The following KMT2D variants were observed in gnomAD, a reference collection of about 807,000 sequenced individuals.
The protein encoded by KMT2D is lysine methyltransferase 2D, also known as histone-lysine N-methyltransferase 2D.
KMT2D carries 55 observed loss-of-function variants against 512.7 expected under a neutral mutation model. That is an observed-to-expected ratio of 0.11 (90% CI 0.09 to 0.13). The LOEUF is 0.13. Among genes scored for constraint, KMT2D ranks in the 10% least tolerant of loss-of-function variants. The probability of loss-of-function intolerance (pLI) is 1.00; values close to 1 mark genes in which losing one functional copy is unlikely to be tolerated. For synonymous variants in KMT2D, 2,995 were observed against 2,904.0 expected, an observed-to-expected ratio of 1.03 and a Z score of -1.01; for missense variants, 6,061 against 7,127.9, an observed-to-expected ratio of 0.85 and a Z score of 5.39.
rs1468222108 is a variant in KMT2D at position 49,033,932 on chromosome 12, G to A, written c.10773C>T (p.Leu3591=). The change falls in exon 40 of 55, where the codon CTC becomes CTT. Residue 3591 remains leucine, a synonymous_variant. Coordinates refer to ENST00000301067, the MANE Select transcript of KMT2D (RefSeq NM_003482.4). ...VRKQQKEHTN[L]MAEYRNKQQQ... ...GCTGCTTGTTCCGATATTCTGCCAT[G>A]AGATTAGTGTGCTCCTTCTGCTGTT... The A allele has an allele frequency of 6.5e-7, 1 of 1,533,434 alleles. No homozygotes were observed. Among genetic ancestry groups the A allele is most frequent in the Middle Eastern group, 1.7e-4 (1 of 5,878 alleles). The allele number at this position is 1,533,434 out of a possible 1,614,324, so 95.0% of individuals were successfully genotyped here.
At chr12:49,053,427 C>T (rs1355131917) in intron 7 of KMT2D, 49 bp downstream of exon 7, 1 of 1,610,802 alleles carries the variant, frequency 6.2e-7, no homozygotes, top group Non-Finnish European at 8.5e-7. Flanking sequence ...CATTTTCAAC[C>T]CTAACCTGTG....
At chr12:49,053,907 T>C (rs1938239059) in intron 6 of KMT2D, 71 bp downstream of exon 6, 1 of 1,500,772 alleles carries the variant, frequency 6.7e-7, no homozygotes, top group Non-Finnish European at 9.2e-7. Flanking sequence ...ATCAGTGCTC[T>C]GTAGAGTACA....
chr12:49,058,056 G>A (rs926452137), intron 1 of KMT2D, among the ~76,000 whole-genome samples: 2 of 152,190 alleles, frequency 1.3e-5, no homozygotes, highest in African/African-American at 4.8e-5. Context: ...GCTGAAGCAG[G>A]CCCTTGAGTG....
At position 49,046,491 on chromosome 12, in the gene KMT2D, C is replaced by A. The variant is rs1024396142; in HGVS notation, c.4419-67G>T. The A allele has an allele frequency of 1.3e-6, 2 of 1,591,150 alleles. No homozygotes were observed. The highest frequency in any genetic ancestry group is 2.2e-5 in the East Asian group (1 of 44,574). ...CCGAAGTACCCAGAAGTCCCCTCAC[C>A]GGAAACCCAAGCCACCAGCCTGGCC... is the stretch of plus-strand genomic sequence containing the variant. On this transcript the variant is annotated intron_variant, in intron 16 of 54. Transcript: ENST00000301067. This position sits in a 1 kb window ranked among gnomAD's most constrained non-coding sequence, Gnocchi z 4.2.
At chr12:49,048,992 C>CCAGA in intron 13 of KMT2D, 113 bp downstream of exon 13, 2 of 756,380 alleles carry the variant, frequency 2.6e-6, no homozygotes, top group South Asian at 3.1e-5. Flanking sequence ...TCAGACATAG[C>CCAGA]CAGACAGGCC....
Position 49,032,491 on chromosome 12 carries a change from C to T in KMT2D, c.12214G>A (p.Asp4072Asn), listed in dbSNP as rs772102499. 1.3e-6 allele frequency: 2 copies of T among 1,570,254 alleles called. No individual in the cohort carries two copies. Among genetic ancestry groups the T allele is most frequent in the East Asian group, 2.4e-5 (1 of 42,146 alleles). The change falls in exon 40 of 55, where the codon GAC (aspartate) becomes AAC (asparagine). Residue 4072 changes from aspartate (D) to asparagine (N), a missense_variant. Asp to Asn is a conservative substitution (Grantham distance 23). This residue lies in a region of KMT2D where 1,600 missense variants were observed against 1,754.9 expected (regional missense o/e 0.91). Coordinates refer to ENST00000301067, the MANE Select transcript of KMT2D (RefSeq NM_003482.4). ...PGEVKPSLSG[D>N]SQLLLVQPQP... The stretch of plus-strand genomic sequence containing the variant: ...GGTTGGACAAGCAGGAGTTGTGAGT[C>T]CCCAGAGAGTGAGGGCTTTACCTCT...
At chr12:49,025,777 T>A (rs756525676) in intron 49 of KMT2D, among the ~76,000 whole-genome samples, 8 of 152,192 alleles carry the variant, frequency 5.3e-5, no homozygotes, top group Non-Finnish European at 7.3e-5. Context: ...CAAAAAAAGG[T>A]ACCTGCTCTT....
Position 49,024,343 on chromosome 12 carries a change from C to A in KMT2D, c.16052+235G>T, listed in dbSNP as rs1942469232. 6.6e-6 allele frequency among the ~76,000 whole-genome samples: 1 copy of A among 152,100 alleles called. No individual in the cohort carries two copies. The highest frequency in any genetic ancestry group is 1.5e-5 in the Non-Finnish European group (1 of 68,014). On this transcript the variant is annotated intron_variant, in intron 51 of 54. Transcript: ENST00000301067. This position sits in a 1 kb window ranked among gnomAD's most constrained non-coding sequence, Gnocchi z 4.5. Reference sequence around the variant, plus strand: ...ATTTCACCAGTTTACCCATTACCTCCCCAGGGTGCCCAAGATAATTCTGTC... The same window carrying A: ...ATTTCACCAGTTTACCCATTACCTCACCAGGGTGCCCAAGATAATTCTGTC...
Position 49,030,319 on chromosome 12 carries a change from C to T in KMT2D, c.13960G>A (p.Asp4654Asn). 1 of 1,603,822 alleles carries T rather than the reference C, an allele frequency of 6.2e-7. No homozygotes were observed. The highest frequency in any genetic ancestry group is 2.2e-5 in the East Asian group (1 of 44,538). The change falls in exon 43 of 55, where the codon GAT (aspartate) becomes AAT (asparagine). Residue 4654 changes from aspartate to asparagine, a missense_variant. Physicochemically the swap from Asp to Asn is conservative, Grantham distance 23 (BLOSUM62 1). This residue lies in a region of KMT2D where 1,600 missense variants were observed against 1,754.9 expected (regional missense o/e 0.91). Coordinates refer to ENST00000301067, the MANE Select transcript of KMT2D (RefSeq NM_003482.4). ...PSEELGEHPK[D>N]AASARDSERA... ...TCACTATCCCGGGCAGAGGCAGCAT[C>T]CTTGGGGTGCTCCCCCAGCTCTTCA...
rs748991106 is a variant in KMT2D at position 49,026,504 on chromosome 12, C to A, written c.15462G>T (p.Arg5154=). 5.0e-6 allele frequency: 8 copies of A among 1,613,836 alleles called. No homozygotes were observed. In the African/African-American group the frequency reaches 6.7e-5, roughly 13 times the overall value. Residue 5154 remains arginine, a synonymous_variant, in exon 49 of 55, where the codon CGG becomes CGT. Transcript: ENST00000301067. The surrounding 1 kb of genome is among the most constrained non-coding windows in gnomAD (Gnocchi z 9.6). ...TCACCTCGTCCCGCTCAATGTAGAC[C>A]CGCCGGAAGACAGCAAAAGAGCTCA... The part of the protein sequence containing the change: ...QELSSFAVFR[R]VYIERDEVKQ...
At position 49,044,682 on chromosome 12, in the gene KMT2D, C is replaced by T; in HGVS notation, c.4963+62G>A. On this transcript the variant is annotated intron_variant, in intron 20 of 54. Transcript: ENST00000301067. This position sits in a 1 kb window ranked among gnomAD's most constrained non-coding sequence, Gnocchi z 6.4. ...GAGTGGCAATGTAGCCCCCACCCAA[C>T]ATCCCACTCCCAGAGTCACGCTCCC... The T allele has an allele frequency of 6.4e-7, 1 of 1,565,114 alleles. No individual in the cohort carries two copies. The highest frequency in any genetic ancestry group is 1.3e-5 in the African/African-American group (1 of 74,126).
rs750717855 is a variant in KMT2D at position 49,022,656 on chromosome 12, G to A, written c.16272C>T (p.Ile5424=). ...TCCGAATGATGGTGCCAATGTACTC[G>A]ATAACCATTGTGTGCTTTTCTAGGT... The part of the protein sequence containing the change: ...AKDLEKHTMV[I]EYIGTIIRNE... Residue 5424 remains isoleucine, a synonymous_variant, in exon 52 of 55, where the codon ATC becomes ATT. Transcript: ENST00000301067. The surrounding 1 kb of genome is among the most constrained non-coding windows in gnomAD (Gnocchi z 8.6). 27 of 1,613,790 alleles carry A rather than the reference G, an allele frequency of 1.7e-5. No individual in the cohort carries two copies. The highest frequency in any genetic ancestry group is 9.3e-5 in the African/African-American group (7 of 74,880).
chr12:49,029,427 G>A lies in KMT2D; in HGVS notation c.14049C>T (p.Pro4683=), dbSNP rs1367811648. 1.3e-6 allele frequency: 2 copies of A among 1,557,842 alleles called. No homozygotes were observed. Among genetic ancestry groups the A allele is most frequent in the South Asian group, 1.2e-5 (1 of 84,510 alleles). ...TGACATCCTCAGTCTGATTGTGAGGGGGTGTAGGCAAGGCAGCCAGCAGGT... is the reference window on the plus strand; with the variant it reads ...TGACATCCTCAGTCTGATTGTGAGGAGGTGTAGGCAAGGCAGCCAGCAGGT... ...SLDLLAALPT[P]PHNQTEDVRM... is the part of the protein sequence containing the mutation. The change falls in exon 44 of 55, where the codon CCC becomes CCT. Residue 4683 remains proline, a synonymous_variant. Coordinates refer to ENST00000301067, the MANE Select transcript of KMT2D (RefSeq NM_003482.4).
At chr12:49,047,861 T>C in intron 15 of KMT2D, 104 bp downstream of exon 15, 1 of 781,622 alleles carries the variant, frequency 1.3e-6, no homozygotes, top group East Asian at 2.7e-5. Flanking sequence ...TGAACAACCA[T>C]GACCGATGGC....
At position 49,048,032 on chromosome 12, in the gene KMT2D, GC is replaced by G. The variant is rs756471180; in HGVS notation, c.4168del (p.Ala1390GlnfsTer27). 1.9e-6 allele frequency: 3 copies of G among 1,610,442 alleles called. No individual in the cohort carries two copies. The highest frequency in any genetic ancestry group is 2.5e-6 in the Non-Finnish European group (3 of 1,176,950). ...CGAACAGGCAAGGAGGTGGCCCTCTGCCCCCCGGCCAAAGCTGCCACATACC... is the reference window on the plus strand; with the variant it reads ...CGAACAGGCAAGGAGGTGGCCCTCTGCCCCCGGCCAAAGCTGCCACATACC... ...CVVCGSFGRG[A>X]EGHLLACSQC... On this transcript the variant is annotated frameshift_variant, in exon 15 of 55. Transcript: ENST00000301067. LOFTEE classifies it high-confidence loss of function.
At position 49,041,744 on chromosome 12, in the gene KMT2D, G is replaced by T. The variant is rs151242939; in HGVS notation, c.6184-39C>A. ...GACACAGCCTTAGGGCCTAGTGCTT[G>T]GTCTCATGCCCCGCCCCCATACTGT... On this transcript the variant is annotated intron_variant, in intron 30 of 54. Transcript: ENST00000301067. This position sits in a 1 kb window ranked among gnomAD's most constrained non-coding sequence, Gnocchi z 5.4. 352 of 1,589,660 alleles carry T rather than the reference G, an allele frequency of 2.2e-4. No homozygotes were observed. In the African/African-American group the frequency reaches 4.2e-3, roughly 19 times the overall value.
At position 49,044,115 on chromosome 12, in the gene KMT2D, G is replaced by C; in HGVS notation, c.5188+85C>G. On this transcript the variant is annotated intron_variant, in intron 22 of 54. Coordinates refer to ENST00000301067, the MANE Select transcript of KMT2D (RefSeq NM_003482.4). This position sits in a 1 kb window ranked among gnomAD's most constrained non-coding sequence, Gnocchi z 6.4. ...ACCAGCTGGGTCTACCACCCTCTTG[G>C]CCCTTTCAATGAGTCCACCCCCTGG... The C allele has an allele frequency of 1.3e-6, 2 of 1,585,316 alleles. No homozygotes were observed. Among genetic ancestry groups the C allele is most frequent in the Non-Finnish European group, 1.7e-6 (2 of 1,163,172 alleles).
At chr12:49,028,986 C>T (rs1453117296) in intron 45 of KMT2D, 28 bp from the exon 46 acceptor site, 1 of 1,611,642 alleles carries the variant, frequency 6.2e-7, no homozygotes, top group South Asian at 1.1e-5. Flanking sequence ...ATTTGTGTAA[C>T]ACTTGGCCGC....
chr12:49,031,780 G>T lies in KMT2D; in HGVS notation c.12925C>A (p.Pro4309Thr), dbSNP rs781003754. 5 of 1,610,420 alleles carry T rather than the reference G, an allele frequency of 3.1e-6. No homozygotes were observed. Among genetic ancestry groups the T allele is most frequent in the Non-Finnish European group, 4.2e-6 (5 of 1,178,104 alleles). The change falls in exon 40 of 55, where the codon CCT becomes ACT. Residue 4309 changes from proline (P) to threonine (T), a missense_variant. By Grantham distance (38) the Pro-to-Thr change is conservative. Transcript: ENST00000301067. ...GGCTCTTGAGGGCTGGATGGTGGAG[G>T]TGTGGGATGGACAGGGCCAAGGACT... Reference protein sequence around the residue: ...GPVLGPVHPTPPPSSPQEPKR... With the variant: ...GPVLGPVHPTTPPSSPQEPKR...
Sources: gnomAD v4.1 joint callset for allele counts (sites outside exome capture counted in the v4.1 genomes callset) on GRCh38, gnomAD v4.1.1 for gene constraint, gnomAD v4.1.1 regional missense constraint, Gnocchi (gnomAD v3.1) non-coding constraint, MANE v1.5 for transcripts, NCBI Gene and HGNC (gene_info 2026-07-23, HGNC 2026-07-21) for gene names.